Variants in PPP3R1 observed in about 807,000 individuals in gnomAD.
The protein encoded by PPP3R1 is protein phosphatase 3 regulatory subunit B, alpha.
PPP3R1 carries 5 observed loss-of-function variants against 22.6 expected under a neutral mutation model. That is an observed-to-expected ratio of 0.22 (90% CI 0.12 to 0.46). PPP3R1 has a LOEUF of 0.46. Among genes scored for constraint, PPP3R1 ranks in the 20% least tolerant of loss-of-function variants. The probability of loss-of-function intolerance (pLI) is 0.99; values close to 1 mark genes in which losing one functional copy is unlikely to be tolerated. For synonymous variants in PPP3R1, 56 were observed against 65.2 expected, an observed-to-expected ratio of 0.86 and a Z score of 0.68; for missense variants, 61 against 203.2, an observed-to-expected ratio of 0.30 and a Z score of 4.25.
At chr2:68,244,376 T>C (rs1670193746) in intron 1 of PPP3R1, among the ~76,000 whole-genome samples, 1 of 152,180 alleles carries the variant, frequency 6.6e-6, no homozygotes, top group Non-Finnish European at 1.5e-5. Flanking sequence ...ACAATCCTCT[T>C]CCACAGCCCT....
chr2:68,224,635 GC>G (rs2103782448), intron 1 of PPP3R1, among the ~76,000 whole-genome samples: 1 of 150,998 alleles, frequency 6.6e-6, no homozygotes, highest in African/African-American at 2.4e-5. Flanking sequence ...CTGCACTCCA[GC>G]CTCGGCAGCA....
In PPP3R1 at chr2:68,240,402, G is replaced by A. The variant is rs371275663; in HGVS notation, c.3+11723C>T. On this transcript the variant is annotated intron_variant, in intron 1 of 5. Coordinates refer to ENST00000234310, the MANE Select transcript of PPP3R1 (RefSeq NM_000945.4). ...TTTCTTTCTCAAACTCTGCTAAATT[G>A]AACTTGTATGAAGATTTTTTCCTTT... Among the ~76,000 whole-genome samples the A allele has an allele frequency of 3.6e-4, 55 of 152,246 alleles. 1 individual carries two copies. The East Asian group carries it at 0.01, about 28-fold the overall frequency.
intron 1 of PPP3R1, among the ~76,000 whole-genome samples, chr2:68,235,901 C>A (rs1441754223): frequency 6.6e-6 from 1 of 152,146 alleles, no homozygotes; most frequent in East Asian, 1.9e-4. Context: ...GTGTGAAGTG[C>A]TATCTCGACA....
intron 1 of PPP3R1, among the ~76,000 whole-genome samples, chr2:68,251,853 G>A (rs1670365850): frequency 6.8e-6 from 1 of 147,842 alleles, no homozygotes; most frequent in South Asian, 2.1e-4. Flanking sequence ...CGGCGGCGCG[G>A]GGGTGGGGCG....
chr2:68,215,988 T>TTG (rs1669572232), intron 2 of PPP3R1, among the ~76,000 whole-genome samples: 1 of 152,190 alleles, frequency 6.6e-6, no homozygotes, highest in Admixed American at 6.5e-5. Context: ...TAGTTGTTTT[T>TTG]TAGACTTAAT....
At chr2:68,181,075 T>C in intron 5 of PPP3R1, 65 bp from the exon 6 acceptor site, 1 of 1,476,822 alleles carries the variant, frequency 6.8e-7, no homozygotes, top group Non-Finnish European at 9.5e-7. Flanking sequence ...GTGGTCTAAC[T>C]ACTTCATCAA....
At chr2:68,184,741 T>C (rs1262916524) in intron 5 of PPP3R1, among the ~76,000 whole-genome samples, 1 of 152,224 alleles carries the variant, frequency 6.6e-6, no homozygotes, top group East Asian at 1.9e-4. Flanking sequence ...ACGAACATTT[T>C]TCTCCACTCG....
intron 2 of PPP3R1, among the ~76,000 whole-genome samples, chr2:68,207,335 G>A (rs1324074282): frequency 6.6e-6 from 1 of 151,744 alleles, no homozygotes; most frequent in Non-Finnish European, 1.5e-5. Context: ...GACAAGTATA[G>A]ATCTTTAGTG....
chr2:68,232,145 A>ACATATTATATACATAT (rs1669920891), intron 1 of PPP3R1, among the ~76,000 whole-genome samples: 1 of 105,170 alleles, frequency 9.5e-6, no homozygotes, highest in Non-Finnish European at 1.9e-5. Flanking sequence ...ACACATATAT[A>ACATATTATATACATAT]TGTATATATA....
At chr2:68,232,212 T>TATACA (rs1553408890) in intron 1 of PPP3R1, among the ~76,000 whole-genome samples, 8 of 93,882 alleles carry the variant, frequency 8.5e-5, no homozygotes, top group Non-Finnish European at 1.3e-4. Flanking sequence ...ATACATATTG[T>TATACA]ATATGTATAT....
intron 1 of PPP3R1, among the ~76,000 whole-genome samples, chr2:68,226,866 G>C (rs745506096): frequency 2.1e-4 from 32 of 152,084 alleles, no homozygotes; most frequent in Admixed American, 1.3e-3. Context: ...AGTTATTCAA[G>C]CACTTTAGAT....
intron 1 of PPP3R1, among the ~76,000 whole-genome samples, chr2:68,228,706 A>G (rs1669831348): frequency 6.6e-6 from 1 of 150,758 alleles, no homozygotes. Context: ...CTTTTTTTCT[A>G]GGTTCTTGAA....
intron 2 of PPP3R1, among the ~76,000 whole-genome samples, chr2:68,208,085 G>T (rs962683478): frequency 6.6e-6 from 1 of 152,164 alleles, no homozygotes; most frequent in African/African-American, 2.4e-5. Context: ...CCCAGGAGGT[G>T]GAGGTTGCAG....
intron 1 of PPP3R1, among the ~76,000 whole-genome samples, chr2:68,221,233 A>G (rs12105301): frequency 0.74 from 113,209 of 152,108 alleles, 43,177 homozygotes; most frequent in African/African-American, 0.93. Context: ...CGAGAGGCTG[A>G]GGCAAGAGAA....
At chr2:68,238,645 G>A (rs1003987991) in intron 1 of PPP3R1, among the ~76,000 whole-genome samples, 2 of 152,100 alleles carry the variant, frequency 1.3e-5, no homozygotes, top group African/African-American at 2.4e-5. Context: ...ATGGCAATAG[G>A]TAAGGCAGAA....
chr2:68,213,096 T>C (rs1669516007), intron 2 of PPP3R1, among the ~76,000 whole-genome samples: 1 of 152,242 alleles, frequency 6.6e-6, no homozygotes, highest in Non-Finnish European at 1.5e-5. Context: ...AATTTACCCA[T>C]ATAAGCAATA....
chr2:68,217,293 CAA>C (rs879260752), intron 1 of PPP3R1, among the ~76,000 whole-genome samples, 162 bp from the exon 2 acceptor site: 3 of 151,932 alleles, frequency 2.0e-5, no homozygotes, highest in Non-Finnish European at 2.9e-5. Context: ...AATAAGAAAA[CAA>C]ATGATAATAC....
chr2:68,240,995 C>T (rs1047115925), intron 1 of PPP3R1, among the ~76,000 whole-genome samples: 1 of 152,146 alleles, frequency 6.6e-6, no homozygotes, highest in African/African-American at 2.4e-5. Context: ...TCAAGAGTTC[C>T]CGACAAGGTC....
chr2:68,186,975 A>C (rs1674560249), intron 4 of PPP3R1, among the ~76,000 whole-genome samples: 1 of 152,208 alleles, frequency 6.6e-6, no homozygotes, highest in Non-Finnish European at 1.5e-5. Flanking sequence ...ACTTTCACTA[A>C]AAAAATCTCT....
Sources: allele counts gnomAD v4.1 joint callset (sites outside exome capture counted in the v4.1 genomes callset), GRCh38; gene constraint gnomAD v4.1.1; transcripts MANE v1.5; gene names NCBI Gene and HGNC (gene_info 2026-07-23, HGNC 2026-07-21).